PARD3: variants seen among roughly 807,000 people sequenced by gnomAD.
The protein encoded by PARD3 is partitioning defective 3 homolog.
A neutral mutation model predicts 155.4 loss-of-function variants in PARD3; 75 were observed. The ratio of observed to expected loss-of-function variants is 0.48; its 90% CI spans 0.40 to 0.58. PARD3 has a LOEUF of 0.58. Ranked by LOEUF, PARD3 falls within the 20% of genes least tolerant of loss-of-function variation. The pLI is 0.00. For synonymous variants in PARD3, 576 were observed against 610.5 expected, an observed-to-expected ratio of 0.94 and a Z score of 0.83; for missense variants, 1,642 against 1,721.7, an observed-to-expected ratio of 0.95 and a Z score of 0.82.
intron 21 of PARD3, among the ~76,000 whole-genome samples, chr10:34,277,271 C>T (rs1955932859): frequency 6.6e-6 from 1 of 152,136 alleles, no homozygotes; most frequent in South Asian, 2.1e-4. Flanking sequence ...CCATGGAAGG[C>T]TTTATTGGGC....
chr10:34,411,795 T>A lies in PARD3; in HGVS notation c.715-9878A>T, dbSNP rs565294337. On this transcript the variant is annotated intron_variant, in intron 5 of 24. Coordinates refer to ENST00000374788, the MANE Select transcript of PARD3 (RefSeq NM_001184785.2). The stretch of plus-strand genomic sequence containing the variant: ...AGATAGATAGACAGAATCTCCATTC[T>A]ACCAGTTCTGTTTCTCTGAAAAACC... Among the ~76,000 whole-genome samples the A allele has an allele frequency of 1.5e-4, 23 of 152,200 alleles. No homozygotes were observed. The South Asian group carries it at 4.6e-3, about 30-fold the overall frequency.
At chr10:34,320,523 G>C (rs1172926235) in intron 19 of PARD3, among the ~76,000 whole-genome samples, 1 of 152,126 alleles carries the variant, frequency 6.6e-6, no homozygotes, top group Admixed American at 6.5e-5. Context: ...TAATAGTTTT[G>C]GCAGAAGTTC....
chr10:34,544,820 G>A (rs190748175), intron 2 of PARD3, among the ~76,000 whole-genome samples: 12 of 152,324 alleles, frequency 7.9e-5, no homozygotes, highest in Admixed American at 2.6e-4. Context: ...TTACAGTAAT[G>A]TTAGGATGTA....
At chr10:34,272,348 C>CTCTA (rs1238859284) in intron 21 of PARD3, among the ~76,000 whole-genome samples, 7 of 152,078 alleles carry the variant, frequency 4.6e-5, no homozygotes, top group Non-Finnish European at 8.8e-5. Context: ...CTGTGAAAAG[C>CTCTA]TCTAATTAGA....
intron 1 of PARD3, among the ~76,000 whole-genome samples, chr10:34,734,323 T>C (rs977621751): frequency 0.049 from 57 of 1,174 alleles, no homozygotes; most frequent in South Asian, 0.27. Context: ...TATGGGGCCC[T>C]TTTTTTTTTT....
intron 5 of PARD3, among the ~76,000 whole-genome samples, chr10:34,418,075 A>G (rs928366170): frequency 6.6e-6 from 1 of 152,242 alleles, no homozygotes; most frequent in African/African-American, 2.4e-5. Context: ...AGAAGCAAGA[A>G]TAGTGAACTT....
intron 23 of PARD3, among the ~76,000 whole-genome samples, chr10:34,125,071 C>CTT (rs71523316): frequency 2.1e-4 from 30 of 140,642 alleles, no homozygotes; most frequent in Admixed American, 7.8e-4. Context: ...CTATTTCTTT[C>CTT]TTTTTTTTTT....
At chr10:34,143,164 A>G (rs1289758860) in intron 22 of PARD3, among the ~76,000 whole-genome samples, 1 of 152,124 alleles carries the variant, frequency 6.6e-6, no homozygotes, top group African/African-American at 2.4e-5. Context: ...TACTAAAAAT[A>G]TACAAATTAG....
intron 23 of PARD3, among the ~76,000 whole-genome samples, chr10:34,129,700 C>CTTTTTTTTTTTTTTTTTTTTTTT (rs1209547388): frequency 3.6e-5 from 3 of 82,986 alleles, no homozygotes; most frequent in African/African-American, 1.4e-4. Flanking sequence ...TGTCAAGCCT[C>CTTTTTTTTTTTTTTTTTTTTTTT]TTTTTTTTTT....
intron 3 of PARD3, among the ~76,000 whole-genome samples, chr10:34,478,972 C>G (rs546387949): frequency 2.6e-5 from 4 of 151,992 alleles, no homozygotes; most frequent in African/African-American, 7.3e-5. Flanking sequence ...AAACACTCAC[C>G]TGAGTACAAG....
At chr10:34,695,477 C>A (rs1365513604) in intron 2 of PARD3, among the ~76,000 whole-genome samples, 102 of 109,484 alleles carry the variant, frequency 9.3e-4, no homozygotes, top group South Asian at 1.3e-3. Flanking sequence ...GACTCCATCT[C>A]AAAAAAAAAA....
At chr10:34,799,134 C>A (rs1041851952) in intron 1 of PARD3, among the ~76,000 whole-genome samples, 1 of 152,136 alleles carries the variant, frequency 6.6e-6, no homozygotes, top group African/African-American at 2.4e-5. Context: ...CTCCACCTCC[C>A]GGGATCAAGC....
intron 3 of PARD3, among the ~76,000 whole-genome samples, chr10:34,498,682 C>T (rs2133396998): frequency 6.6e-6 from 1 of 152,268 alleles, no homozygotes; most frequent in East Asian, 1.9e-4. Context: ...GAAGCTGAGA[C>T]ACAATAATCT....
At chr10:34,246,756 ACTGAATACCCAGGGTAT>A (rs1953977207) in intron 22 of PARD3, among the ~76,000 whole-genome samples, 1 of 152,140 alleles carries the variant, frequency 6.6e-6, no homozygotes, top group Admixed American at 6.6e-5. Flanking sequence ...GACTGCATGG[ACTGAATACCCAGGGTAT>A]TCAGTCAAGG....
At chr10:34,510,189 A>C (rs1286910555) in intron 3 of PARD3, among the ~76,000 whole-genome samples, 1 of 152,204 alleles carries the variant, frequency 6.6e-6, no homozygotes, top group African/African-American at 2.4e-5. Flanking sequence ...TGAAATTCTA[A>C]GCAATCACAC....
At chr10:34,283,850 A>G (rs1466892855) in intron 21 of PARD3, among the ~76,000 whole-genome samples, 1 of 151,910 alleles carries the variant, frequency 6.6e-6, no homozygotes, top group Non-Finnish European at 1.5e-5. Context: ...TCATAAATTC[A>G]GTATTAATGT....
At chr10:34,565,115 T>C (rs750431788) in intron 2 of PARD3, among the ~76,000 whole-genome samples, 2 of 150,778 alleles carry the variant, frequency 1.3e-5, no homozygotes, top group Admixed American at 1.3e-4. Flanking sequence ...AGACCATCAG[T>C]GATATTAATT....
intron 1 of PARD3, among the ~76,000 whole-genome samples, chr10:34,755,790 C>T (rs1011497817): frequency 1.3e-5 from 2 of 151,942 alleles, no homozygotes; most frequent in Non-Finnish European, 2.9e-5. Context: ...CATTTTTCCC[C>T]TTCTGTCTCA....
intron 2 of PARD3, chr10:34,676,060 A>C (rs1400605217): frequency 1.3e-5 from 2 of 152,760 alleles, no homozygotes; most frequent in Non-Finnish European, 2.9e-5. Context: ...GCCACAGGTA[A>C]CGAGTGATGC....
Sources: allele counts gnomAD v4.1 joint callset (sites outside exome capture counted in the v4.1 genomes callset), GRCh38; gene constraint gnomAD v4.1.1; transcripts MANE v1.5; gene names NCBI Gene and HGNC (gene_info 2026-07-23, HGNC 2026-07-21).